Variants in RDH13 observed in about 807,000 individuals in gnomAD.
RDH13 encodes the protein retinol dehydrogenase 13.
A neutral mutation model predicts 28.3 loss-of-function variants in RDH13; 35 were observed. That is an observed-to-expected ratio of 1.24 (90% CI 0.95 to 1.64). The LOEUF (loss-of-function observed/expected upper bound fraction) is 1.64. RDH13 is among the 40% of genes most tolerant of loss of function. The pLI, the probability that RDH13 is intolerant of heterozygous loss-of-function variation, is 0.00. For missense variants in RDH13, 514 were observed against 446.3 expected, an observed-to-expected ratio of 1.15 and a Z score of -1.37; for synonymous variants, 229 against 198.5, an observed-to-expected ratio of 1.15 and a Z score of -1.29.
chr19:55,060,489 T>G (rs1363526162), intron 1 of RDH13, among the ~76,000 whole-genome samples: 1 of 152,234 alleles, frequency 6.6e-6, no homozygotes, highest in Non-Finnish European at 1.5e-5. Flanking sequence ...CATTCCTTTT[T>G]GCTGAAATAA....
At position 55,044,825 on chromosome 19, in the gene RDH13, C is replaced by T; in HGVS notation, c.*249G>A. ...CTCGGCCATTCCCAGTTTAGATTCC[C>T]AGGGGAAGCATCAGATGGCCCCTCT... On this transcript the variant is annotated 3_prime_UTR_variant, in exon 7 of 7. Coordinates refer to ENST00000415061, the MANE Select transcript of RDH13 (RefSeq NM_001145971.2). 2.1e-6 allele frequency: 1 copy of T among 466,582 alleles called. No homozygotes were observed. Among genetic ancestry groups the T allele is most frequent in the Non-Finnish European group, 3.8e-6 (1 of 266,666 alleles). 28.9% of individuals were successfully genotyped at this position (466,582 alleles called of 1,614,324 possible). A position where few individuals can be genotyped will look rare whatever the true frequency, so the allele number is the denominator to read the frequency against.
upstream of RDH13, among the ~76,000 whole-genome samples, chr19:55,067,934 T>C (rs527993590): frequency 6.6e-6 from 1 of 151,546 alleles, no homozygotes; most frequent in South Asian, 2.1e-4. Flanking sequence ...CTCATCTCTC[T>C]GTCTCCCTCT....
At chr19:55,059,747 G>T (rs1265688604) in intron 1 of RDH13, among the ~76,000 whole-genome samples, 1 of 152,174 alleles carries the variant, frequency 6.6e-6, no homozygotes, top group Admixed American at 6.5e-5. Flanking sequence ...AAAGACATAA[G>T]AGACTCCATT....
At chr19:55,068,151 CTCTCTTCCTCTTTTCCTTTG>C (rs2075993092) in intron 1 of RDH13, among the ~76,000 whole-genome samples, 1 of 133,940 alleles carries the variant, frequency 7.5e-6, no homozygotes, top group African/African-American at 3.2e-5. Context: ...CTCCCTGTCT[CTCTCTTCCTCTTTTCCTTTG>C]TCTCTCTCTC....
chr19:55,068,956 GGGGAGGGGAA>G (rs1456297311), intron 1 of RDH13: 6 of 70,326 alleles, frequency 8.5e-5, no homozygotes, highest in Admixed American at 1.3e-4. Flanking sequence ...GGGGAGGGGA[GGGGAGGGGAA>G]GGGAGGGAAG....
At chr19:55,045,671 C>T (rs1012570533) in intron 6 of RDH13, among the ~76,000 whole-genome samples, 59 of 152,106 alleles carry the variant, frequency 3.9e-4, no homozygotes, top group Non-Finnish European at 5.7e-4. Flanking sequence ...TTTGGCCAGG[C>T]GAGGTGGCTC....
At chr19:55,041,486 T>A (rs2075028243), downstream of RDH13, 1 of 152,178 alleles carries the variant, frequency 6.6e-6, no homozygotes, top group Non-Finnish European at 1.5e-5. Context: ...ATGATGGCGT[T>A]TAGGAAGAAT....
At chr19:55,052,669 A>AT (rs1002303395) in intron 3 of RDH13, among the ~76,000 whole-genome samples, 63 of 127,348 alleles carry the variant, frequency 4.9e-4, no homozygotes, top group East Asian at 1.3e-3. Context: ...ATTGTTTTTT[A>AT]TTTTTTTTTT....
intron 2 of RDH13, among the ~76,000 whole-genome samples, chr19:55,057,637 C>A (rs2075681208): frequency 1.3e-5 from 2 of 151,834 alleles, no homozygotes; most frequent in African/African-American, 4.8e-5. Context: ...GCGGTTTCAC[C>A]ATGTTAGCCA....
At chr19:55,062,830 C>A in intron 1 of RDH13, 138 bp downstream of exon 1, 1 of 722,818 alleles carries the variant, frequency 1.4e-6, no homozygotes, top group Non-Finnish European at 2.0e-6. Context: ...GCAGGTTTGC[C>A]CCACTCCGGG....
intron 3 of RDH13, among the ~76,000 whole-genome samples, chr19:55,051,375 C>T (rs2075426935): frequency 6.6e-6 from 1 of 152,148 alleles, no homozygotes; most frequent in African/African-American, 2.4e-5. Flanking sequence ...ACTCCACTCA[C>T]AGCTGGGCGC....
chr19:55,057,496 A>C (rs575356713), intron 2 of RDH13, among the ~76,000 whole-genome samples: 7 of 149,906 alleles, frequency 4.7e-5, no homozygotes, highest in East Asian at 2.0e-4. Flanking sequence ...GCGGTGGCGC[A>C]ATCTCGGCTC....
rs532852356 is a variant in RDH13 at position 55,053,147 on chromosome 19, TTCCCAAAACTTCTGTC to T, written c.340+3490_340+3505del. On this transcript the variant is annotated intron_variant, in intron 3 of 6. Coordinates refer to ENST00000415061, the MANE Select transcript of RDH13 (RefSeq NM_001145971.2). ...CAGAGTGTCATCTCACAAACTGATC[TTCCCAAAACTTCTGTC>T]TCCCAAAGTGCCGGGATGACAGGCG... 3.6e-3 allele frequency among the ~76,000 whole-genome samples: 549 copies of T among 152,176 alleles called. 4 individuals are homozygous for T. The highest frequency in any genetic ancestry group is 0.013 in the African/African-American group (521 of 41,514).
chr19:55,063,125 G>C lies in RDH13; in HGVS notation c.-93C>G, dbSNP rs1320460835. 2.6e-6 allele frequency: 3 copies of C among 1,151,374 alleles called. No individual in the cohort carries two copies. The highest frequency in any genetic ancestry group is 4.3e-5 in the Admixed American group (1 of 23,484). The allele number at this position is 1,151,374 out of a possible 1,614,324, so 71.3% of individuals were successfully genotyped here. On this transcript the variant is annotated 5_prime_UTR_variant, in exon 1 of 7. Coordinates refer to ENST00000415061, the MANE Select transcript of RDH13 (RefSeq NM_001145971.2). ...GTAGCTCCGAGGAAGAGCGCGCGACGCAGCCACAGGCGAGCGGAGGCGCAG... is the reference window on the plus strand; with the variant it reads ...GTAGCTCCGAGGAAGAGCGCGCGACCCAGCCACAGGCGAGCGGAGGCGCAG...
intron 2 of RDH13, among the ~76,000 whole-genome samples, chr19:55,057,826 T>TG (rs914519497): frequency 3.4e-5 from 5 of 148,776 alleles, no homozygotes; most frequent in African/African-American, 1.2e-4. Context: ...TTTTTTTTTT[T>TG]GAGTCAGTCT....
At chr19:55,066,395 CCT>C (rs1222924700), upstream of RDH13, among the ~76,000 whole-genome samples, 1 of 151,988 alleles carries the variant, frequency 6.6e-6, no homozygotes, top group South Asian at 2.1e-4. Context: ...CTCTATCTCT[CCT>C]CTCTCTGTCT....
intron 1 of RDH13, among the ~76,000 whole-genome samples, chr19:55,061,665 G>A (rs1011566053): frequency 3.3e-5 from 5 of 151,988 alleles, no homozygotes; most frequent in East Asian, 2.0e-4. Flanking sequence ...GGTGGTGCAC[G>A]CCTGTAGAGT....
chr19:55,064,825 T>A (rs77732457), upstream of RDH13, among the ~76,000 whole-genome samples: 1,449 of 119,744 alleles, frequency 0.012, 13 homozygotes, highest in South Asian at 0.057. Context: ...GTTGGCCAGG[T>A]TGGTCTCAAA....
chr19:55,049,446 C>G (rs1337147229), intron 3 of RDH13, among the ~76,000 whole-genome samples: 2 of 152,154 alleles, frequency 1.3e-5, no homozygotes, highest in African/African-American at 4.8e-5. Flanking sequence ...CCTCCCTGTA[C>G]CACTCAGCTC....
Sources: allele counts gnomAD v4.1 joint callset (sites outside exome capture counted in the v4.1 genomes callset), GRCh38; gene constraint gnomAD v4.1.1; transcripts MANE v1.5; gene names NCBI Gene and HGNC (gene_info 2026-07-23, HGNC 2026-07-21).